PPIL4: variants seen among roughly 807,000 people sequenced by gnomAD.
PPIL4 encodes the protein peptidyl-prolyl cis-trans isomerase-like 4.
PPIL4 carries 50 observed loss-of-function variants against 69.1 expected under a neutral mutation model. The observed-to-expected ratio is 0.72, with a 90% confidence interval of 0.58 to 0.92. The LOEUF (loss-of-function observed/expected upper bound fraction) is 0.92, where lower values mean the gene tolerates loss of function less well. Among genes scored for constraint, PPIL4 ranks in the 40% least tolerant of loss-of-function variants. PPIL4 has a pLI of 0.00. For missense variants in PPIL4, 480 were observed against 587.9 expected (o/e 0.82, Z 1.90); for synonymous variants, 193 against 191.6 (o/e 1.01, Z -0.06).
intron 6 of PPIL4, 144 bp downstream of exon 6, chr6:149,534,534 G>A (rs910270762): frequency 9.8e-6 from 5 of 510,294 alleles, no homozygotes; most frequent in Non-Finnish European, 1.7e-5. Context: ...TACCTCTGTG[G>A]AAAAGAAAAA....
chr6:149,538,991 C>T (rs1302027475), intron 4 of PPIL4, among the ~76,000 whole-genome samples: 1 of 152,108 alleles, frequency 6.6e-6, no homozygotes, highest in African/African-American at 2.4e-5. Context: ...GGACTACTGG[C>T]GCCTGCCACC....
intron 12 of PPIL4, among the ~76,000 whole-genome samples, chr6:149,506,597 AGAG>A (rs1290805002): frequency 6.6e-6 from 1 of 152,180 alleles, no homozygotes; most frequent in Non-Finnish European, 1.5e-5. Context: ...CAGAAGTTAG[AGAG>A]GAGAATTTTT....
rs146577244 is a variant in PPIL4, at chr6:149,541,317, G to GTAAATAAA, written c.203+42_203+49dup. ...TGTTCTGCCCTTCCAGAGGTTAAAA[G>GTAAATAAA]TAAATAAATAAATAAATAAATAAAT... On this transcript the variant is annotated intron_variant, in intron 3 of 12. Transcript: ENST00000253329. 4.7e-3 allele frequency: 3,551 copies of GTAAATAAA among 757,198 alleles called. 49 individuals carry two copies. The highest frequency in any genetic ancestry group is 0.041 in the African/African-American group (2,042 of 49,592). 46.9% of individuals were successfully genotyped at this position (757,198 alleles called of 1,614,324 possible). A position where few individuals can be genotyped will look rare whatever the true frequency, so the allele number is the denominator to read the frequency against.
At chr6:149,534,989 T>C (rs2115038066) in intron 5 of PPIL4, among the ~76,000 whole-genome samples, 1 of 152,354 alleles carries the variant, frequency 6.6e-6, no homozygotes, top group East Asian at 1.9e-4. Flanking sequence ...TACTTTAAGA[T>C]GTAAACTAAT....
intron 1 of PPIL4, among the ~76,000 whole-genome samples, chr6:149,544,809 T>C (rs1280731110): frequency 3.9e-5 from 6 of 152,220 alleles, no homozygotes; most frequent in Admixed American, 1.3e-4. Context: ...GAGGGAGGAA[T>C]AGCTGCGTGC....
chr6:149,513,243 G>A (rs1184244794), intron 11 of PPIL4, among the ~76,000 whole-genome samples: 8 of 146,682 alleles, frequency 5.5e-5, no homozygotes, highest in African/African-American at 1.2e-4. Flanking sequence ...AAAATTAGCC[G>A]GGCATGGTGG....
Position 149,535,666 on chromosome 6 carries a change from C to T in PPIL4, c.394G>A (p.Gly132Ser), listed in dbSNP as rs942289265. 4 of 1,611,056 alleles carry T rather than the reference C, an allele frequency of 2.5e-6. No homozygotes were observed. Among genetic ancestry groups the T allele is most frequent in the Non-Finnish European group, 3.4e-6 (4 of 1,177,548 alleles). The part of the protein sequence containing the change: ...VHTVFGEVTE[G>S]MDIIKKINET... ...TTAATTTTCTTAATTATGTCCATGC[C>T]TTCTGTCACCTCACCAAACACCGTA... Residue 132 changes from glycine (G) to serine (S), a missense_variant, in exon 5 of 13, where the codon GGC (glycine) becomes AGC (serine). Transcript: ENST00000253329.
At chr6:149,524,595 A>G (rs984094259) in intron 9 of PPIL4, among the ~76,000 whole-genome samples, 2 of 152,204 alleles carry the variant, frequency 1.3e-5, no homozygotes, top group African/African-American at 2.4e-5. Context: ...GGCTTTACTT[A>G]GAACTTAAAA....
chr6:149,505,599 G>A lies in PPIL4; in HGVS notation c.1333C>T (p.Arg445Ter), dbSNP rs931558507. ...RDRTQNRSRSRSRERDGHYSN... is the reference protein window; with the variant it reads ...RDRTQNRSRS ...TAATGGCCATCCCTCTCTCGAGATC[G>A]GCTACGACTTCGGTTCTGAGTTCGG... The change falls in exon 13 of 13, where the codon CGA becomes TGA. Residue 445 changes from arginine to a stop codon, truncating the protein, a stop_gained. Transcript: ENST00000253329. LOFTEE classifies it high-confidence loss of function. The A allele has an allele frequency of 8.1e-6, 13 of 1,613,836 alleles. No homozygotes were observed. Among genetic ancestry groups the A allele is most frequent in the African/African-American group, 1.3e-5 (1 of 74,832 alleles).
rs371097061 is a variant in PPIL4, at chr6:149,535,635, G to T, written c.425C>A (p.Thr142Asn). ...TGGTACAAAGTCCTTGTCAACAAAG[G>T]TCTCATTAATTTTCTTAATTATGTC... The part of the protein sequence containing the change: ...GMDIIKKINE[T>N]FVDKDFVPYQ... Residue 142 changes from threonine to asparagine, a missense_variant, in exon 5 of 13, where the codon ACC becomes AAC. Transcript: ENST00000253329. The T allele has an allele frequency of 3.0e-5, 48 of 1,612,300 alleles. No individual in the cohort carries two copies. The highest frequency in any genetic ancestry group is 3.9e-5 in the Non-Finnish European group (46 of 1,178,794).
At chr6:149,533,684 G>C (rs1438933922) in intron 6 of PPIL4, 110 bp from the exon 7 acceptor site, 1 of 630,822 alleles carries the variant, frequency 1.6e-6, no homozygotes, top group Non-Finnish European at 2.7e-6. Flanking sequence ...AACAGTAACT[G>C]ATCAAGGTTG....
At position 149,540,299 on chromosome 6, in the gene PPIL4, G is replaced by A. The variant is rs150320452; in HGVS notation, c.321+643C>T. Among the ~76,000 whole-genome samples, 97 of 152,078 alleles carry A rather than the reference G, an allele frequency of 6.4e-4. 2 individuals carry two copies. The East Asian group carries it at 0.017, about 27-fold the overall frequency. ...AGACAATGAATAGAAGGTACTCTGC[G>A]TAATGTTTTTAAAAAAGTAAGAAAT... On this transcript the variant is annotated intron_variant, in intron 4 of 12. Transcript: ENST00000253329.
At position 149,527,939 on chromosome 6, in the gene PPIL4, C is replaced by T. The variant is rs554690555; in HGVS notation, c.679-1163G>A. ...TCTCCTCAGTGTTTCTGAAGTCTAT[C>T]AAAAGACAACATTATGTCCAATAAG... On this transcript the variant is annotated intron_variant, in intron 7 of 12. Transcript: ENST00000253329. 3.3e-5 allele frequency among the ~76,000 whole-genome samples: 5 copies of T among 152,268 alleles called. No homozygotes were observed. The East Asian group carries it at 9.6e-4, about 29-fold the overall frequency.
chr6:149,513,280 G>A (rs1234881430), intron 11 of PPIL4, among the ~76,000 whole-genome samples: 2 of 145,836 alleles, frequency 1.4e-5, no homozygotes, highest in African/African-American at 2.5e-5. Context: ...AGCTACTCGG[G>A]AGGCTGAGGC....
intron 9 of PPIL4, among the ~76,000 whole-genome samples, chr6:149,522,219 C>G (rs1418877848): frequency 6.6e-6 from 1 of 152,128 alleles, no homozygotes; most frequent in Non-Finnish European, 1.5e-5. Flanking sequence ...AAAGAGAAAG[C>G]TCTGAAGATC....
At chr6:149,545,913 G>C (rs760434798) in intron 1 of PPIL4, 23 bp downstream of exon 1, 2 of 1,569,392 alleles carry the variant, frequency 1.3e-6, no homozygotes, top group Non-Finnish European at 1.7e-6. Flanking sequence ...CCCGGCGACA[G>C]GTGAGTGGGG....
chr6:149,514,037 C>A (rs1050367551), intron 11 of PPIL4, among the ~76,000 whole-genome samples: 1 of 152,142 alleles, frequency 6.6e-6, no homozygotes, highest in African/African-American at 2.4e-5. Flanking sequence ...ACTAGAGGCT[C>A]GTGTCTGCTT....
intron 9 of PPIL4, 129 bp from the exon 10 acceptor site, chr6:149,521,300 T>C (rs934534846): frequency 1.6e-5 from 10 of 628,264 alleles, no homozygotes; most frequent in Non-Finnish European, 1.7e-5. Context: ...CACCCGATGC[T>C]GTTAAATGCT....
intron 11 of PPIL4, among the ~76,000 whole-genome samples, chr6:149,513,412 A>T (rs9386253): frequency 0.012 from 663 of 54,916 alleles, 1 homozygote; most frequent in East Asian, 0.067. Context: ...AAAAAAAAAA[A>T]ATATATATAT....
Sources: allele counts gnomAD v4.1 joint callset (sites outside exome capture counted in the v4.1 genomes callset), GRCh38; gene constraint gnomAD v4.1.1; transcripts MANE v1.5; gene names NCBI Gene and HGNC (gene_info 2026-07-23, HGNC 2026-07-21).